PTPRK: variants seen among roughly 807,000 people sequenced by gnomAD.
PTPRK encodes the protein receptor-type tyrosine-protein phosphatase kappa.
In PTPRK, 75 loss-of-function variants were observed where a neutral mutation model predicts 178.0. The ratio of observed to expected loss-of-function variants is 0.42; its 90% CI spans 0.35 to 0.51. The LOEUF (loss-of-function observed/expected upper bound fraction) is 0.51. PTPRK is among the 20% of genes least tolerant of loss of function. The pLI is 0.02. For missense variants in PTPRK, 1,441 were observed against 1,797.8 expected (o/e 0.80, Z 3.59); for synonymous variants, 637 against 620.6 (o/e 1.03, Z -0.39).
At chr6:128,493,802 A>T (rs1243913845) in intron 1 of PTPRK, among the ~76,000 whole-genome samples, 2 of 152,020 alleles carry the variant, frequency 1.3e-5, no homozygotes, top group Non-Finnish European at 2.9e-5. Flanking sequence ...TCATCTGGAA[A>T]CTCCAAAGGT....
At chr6:128,487,954 A>T (rs1853207144) in intron 1 of PTPRK, among the ~76,000 whole-genome samples, 1 of 152,152 alleles carries the variant, frequency 6.6e-6, no homozygotes, top group African/African-American at 2.4e-5. Flanking sequence ...AACTAATAGG[A>T]TAGTTGTATA....
At chr6:128,510,731 T>G (rs536088212) in intron 1 of PTPRK, among the ~76,000 whole-genome samples, 23 of 152,304 alleles carry the variant, frequency 1.5e-4, no homozygotes, top group Non-Finnish European at 3.1e-4. Flanking sequence ...ATATGCAGAC[T>G]ACTATTCTAA....
intron 7 of PTPRK, among the ~76,000 whole-genome samples, chr6:128,173,147 C>A (rs536141386): frequency 1.3e-5 from 2 of 151,976 alleles, no homozygotes; most frequent in African/African-American, 4.8e-5. Flanking sequence ...CTCTGAGCTA[C>A]CCATTCTGGG....
chr6:128,369,849 G>A (rs1279904889), intron 2 of PTPRK, among the ~76,000 whole-genome samples: 2 of 151,998 alleles, frequency 1.3e-5, no homozygotes, highest in African/African-American at 4.8e-5. Flanking sequence ...TCCAATGATG[G>A]GAGGTAAGAG....
chr6:128,200,867 G>A (rs1450648876), intron 6 of PTPRK, among the ~76,000 whole-genome samples: 3 of 124,912 alleles, frequency 2.4e-5, no homozygotes, highest in Non-Finnish European at 5.1e-5. Flanking sequence ...AGGAGGGGGA[G>A]GGTGAGGAGG....
intron 6 of PTPRK, among the ~76,000 whole-genome samples, chr6:128,216,439 G>A (rs1437997916): frequency 1.3e-5 from 2 of 151,706 alleles, no homozygotes; most frequent in Non-Finnish European, 2.9e-5. Flanking sequence ...GGAGGTTGAG[G>A]CACGAGAATC....
intron 1 of PTPRK, among the ~76,000 whole-genome samples, chr6:128,417,528 G>A (rs929417887): frequency 6.6e-6 from 1 of 152,082 alleles, no homozygotes; most frequent in Non-Finnish European, 1.5e-5. Flanking sequence ...AATGTCAACA[G>A]GTACAGATCA....
At chr6:128,219,985 A>G (rs532995211) in intron 5 of PTPRK, among the ~76,000 whole-genome samples, 1 of 152,364 alleles carries the variant, frequency 6.6e-6, no homozygotes, top group South Asian at 2.1e-4. Flanking sequence ...GAATTAGTCA[A>G]AAGAGCCTAA....
intron 2 of PTPRK, among the ~76,000 whole-genome samples, chr6:128,371,232 C>A (rs182561408): frequency 2.6e-5 from 4 of 152,092 alleles, no homozygotes; most frequent in Admixed American, 2.6e-4. Flanking sequence ...TTAGTTACAT[C>A]TGTTTCATCA....
intron 1 of PTPRK, among the ~76,000 whole-genome samples, chr6:128,406,729 T>C (rs1418723292): frequency 6.6e-6 from 1 of 152,176 alleles, no homozygotes; most frequent in East Asian, 1.9e-4. Context: ...TTTAAGATAA[T>C]CTTTAAAGGT....
chr6:128,226,085 C>A (rs1033347747), intron 5 of PTPRK, among the ~76,000 whole-genome samples: 1 of 152,136 alleles, frequency 6.6e-6, no homozygotes, highest in Non-Finnish European at 1.5e-5. Flanking sequence ...ACGGACAGAG[C>A]AGGTGTAAGT....
chr6:127,983,113 C>A, intron 23 of PTPRK, 129 bp downstream of exon 23: 1 of 1,278,834 alleles, frequency 7.8e-7, no homozygotes, highest in South Asian at 1.6e-5. Context: ...CTATATGACT[C>A]AGCTAATATT....
At chr6:128,188,717 G>A (rs1204845471) in intron 6 of PTPRK, among the ~76,000 whole-genome samples, 1 of 152,134 alleles carries the variant, frequency 6.6e-6, no homozygotes, top group East Asian at 1.9e-4. Flanking sequence ...TCAAAATCAA[G>A]CTGTCAGAAG....
intron 6 of PTPRK, among the ~76,000 whole-genome samples, chr6:128,188,115 C>A (rs1405693516): frequency 1.3e-5 from 2 of 152,094 alleles, no homozygotes; most frequent in African/African-American, 4.8e-5. Context: ...TCAAATGAAG[C>A]ATGCAATCCC....
Position 128,520,542 on chromosome 6 carries a change from G to T in PTPRK, c.-184C>A, listed in dbSNP as rs1242286758. On this transcript the variant is annotated 5_prime_UTR_variant, in exon 1 of 30. Transcript: ENST00000368226. ...CCTCAGGGGCGAAAGCGTCGCCAGC[G>T]TCGCCGGCCGGCCGCGGCGGCAGCT... The T allele has an allele frequency of 3.4e-6, 2 of 585,480 alleles. No homozygotes were observed. Among genetic ancestry groups the T allele is most frequent in the East Asian group, 2.9e-5 (1 of 34,680 alleles). The allele number at this position is 585,480 out of a possible 1,614,324, so 36.3% of individuals were successfully genotyped here. A position where few individuals can be genotyped will look rare whatever the true frequency, so the allele number is the denominator to read the frequency against.
chr6:128,364,421 G>A (rs1039735510), intron 2 of PTPRK, among the ~76,000 whole-genome samples: 1 of 151,914 alleles, frequency 6.6e-6, no homozygotes, highest in African/African-American at 2.4e-5. Context: ...TACATTTACT[G>A]AATACTTTTT....
chr6:128,455,051 T>G (rs552697550), intron 1 of PTPRK, among the ~76,000 whole-genome samples: 36 of 152,270 alleles, frequency 2.4e-4, no homozygotes, highest in Middle Eastern at 3.4e-3. Context: ...TAATAGCATA[T>G]AAAACAAACT....
chr6:128,194,021 G>C (rs1294658283), intron 6 of PTPRK, among the ~76,000 whole-genome samples: 5 of 149,624 alleles, frequency 3.3e-5, no homozygotes, highest in Admixed American at 6.7e-5. Flanking sequence ...TATCCATGTA[G>C]TGAATTGGTT....
chr6:128,170,988 C>A (rs184158066), intron 7 of PTPRK, among the ~76,000 whole-genome samples: 1 of 151,110 alleles, frequency 6.6e-6, no homozygotes, highest in African/African-American at 2.4e-5. Flanking sequence ...AAATAATAAA[C>A]GAATTACACA....
Sources: gnomAD v4.1 joint callset for allele counts (sites outside exome capture counted in the v4.1 genomes callset) on GRCh38, gnomAD v4.1.1 for gene constraint, MANE v1.5 for transcripts, NCBI Gene and HGNC (gene_info 2026-07-23, HGNC 2026-07-21) for gene names.